The following PTPN13 variants were observed in gnomAD, a reference collection of about 807,000 sequenced individuals.
PTPN13 encodes the protein tyrosine-protein phosphatase non-receptor type 13.
In PTPN13, 191 loss-of-function variants were observed where a neutral mutation model predicts 284.0. The ratio of observed to expected loss-of-function variants is 0.67; its 90% CI spans 0.60 to 0.76. PTPN13 has a LOEUF of 0.76. Among genes scored for constraint, PTPN13 ranks in the 30% least tolerant of loss-of-function variants. PTPN13 has a pLI of 0.00. For missense variants in PTPN13, 2,797 were observed against 2,939.9 expected (o/e 0.95, Z 1.12); for synonymous variants, 986 against 1,022.3 (o/e 0.96, Z 0.68).
chr4:86,781,183 A>G (rs1424137057), intron 36 of PTPN13, among the ~76,000 whole-genome samples: 3 of 152,138 alleles, frequency 2.0e-5, no homozygotes, highest in Non-Finnish European at 2.9e-5. Flanking sequence ...TTCCATCTCA[A>G]CTTTTATCTT....
At chr4:86,811,024 C>T (rs1745159096) in intron 46 of PTPN13, 22 bp from the exon 47 acceptor site, 1 of 1,604,814 alleles carries the variant, frequency 6.2e-7, no homozygotes, top group East Asian at 2.2e-5. Context: ...GAATCTAACA[C>T]ATATGTGGTT....
chr4:86,804,444 G>A (rs150107231), intron 43 of PTPN13, among the ~76,000 whole-genome samples: 1 of 152,118 alleles, frequency 6.6e-6, no homozygotes, highest in South Asian at 2.1e-4. Flanking sequence ...CTTTGTGCTT[G>A]TTGCTTTGTA....
At chr4:86,636,893 G>C (rs1302129652) in intron 2 of PTPN13, among the ~76,000 whole-genome samples, 2 of 151,898 alleles carry the variant, frequency 1.3e-5, no homozygotes, top group Non-Finnish European at 2.9e-5. Flanking sequence ...TCCAGGAGCT[G>C]GTTTTTTGAA....
chr4:86,717,849 T>A (rs965630146), intron 9 of PTPN13, among the ~76,000 whole-genome samples: 3 of 152,198 alleles, frequency 2.0e-5, no homozygotes, highest in Non-Finnish European at 1.5e-5. Flanking sequence ...CTAAGTAACC[T>A]ATTATGTAAA....
intron 3 of PTPN13, among the ~76,000 whole-genome samples, chr4:86,681,748 C>T (rs763532096): frequency 1.3e-5 from 2 of 152,018 alleles, no homozygotes; most frequent in Non-Finnish European, 2.9e-5. Context: ...GCCAACATGG[C>T]GAAACCCCGT....
rs546050044 is a variant in PTPN13 at position 86,667,701 on chromosome 4, G to A, written c.116-4664G>A. Among the ~76,000 whole-genome samples the A allele has an allele frequency of 3.9e-5, 6 of 152,154 alleles. No homozygotes were observed. The East Asian group carries it at 5.8e-4, about 15-fold the overall frequency. On this transcript the variant is annotated intron_variant, in intron 2 of 47. Coordinates refer to ENST00000411767, the MANE Select transcript of PTPN13 (RefSeq NM_080683.3). ...CAAATCCTTCAGAGTTTGGAACAGC[G>A]GCCTCTGCATACATTTTTGCCAGAC...
intron 2 of PTPN13, among the ~76,000 whole-genome samples, chr4:86,646,118 G>A (rs1051883276): frequency 1.3e-5 from 2 of 151,528 alleles, no homozygotes; most frequent in African/African-American, 2.4e-5. Context: ...AAAATGAGAC[G>A]GTAGTTGTGT....
chr4:86,767,512 T>G (rs1739471366), intron 27 of PTPN13, among the ~76,000 whole-genome samples: 1 of 151,900 alleles, frequency 6.6e-6, no homozygotes, highest in Non-Finnish European at 1.5e-5. Context: ...TCCCAAAGTG[T>G]TAGGATTACC....
In PTPN13 at chr4:86,785,289, G is replaced by T; in HGVS notation, c.6177G>T (p.Gln2059His). 3 of 1,604,176 alleles carry T rather than the reference G, an allele frequency of 1.9e-6. No homozygotes were observed. The highest frequency in any genetic ancestry group is 2.6e-6 in the Non-Finnish European group (3 of 1,172,260). The change falls in exon 39 of 48, where the codon CAG becomes CAT. Residue 2059 changes from glutamine (Q) to histidine (H), a missense_variant. Gln to His is a conservative substitution (Grantham distance 24, BLOSUM62 0). Transcript: ENST00000411767. ...YDDSQEAEVI[Q>H]SLLDVVDEEA... Reference sequence around the variant, plus strand: ...ATTCCCAAGAAGCTGAAGTTATCCAGTCTCTGCTGGATGTTGTGGATGAGG... The same window carrying T: ...ATTCCCAAGAAGCTGAAGTTATCCATTCTCTGCTGGATGTTGTGGATGAGG...
chr4:86,813,440 GGTTTGTTT>G (rs892515011), intron 47 of PTPN13, among the ~76,000 whole-genome samples: 1 of 152,018 alleles, frequency 6.6e-6, no homozygotes, highest in Non-Finnish European at 1.5e-5. Context: ...CTTATTTTTT[GGTTTGTTT>G]GTTTGTTTGT....
intron 7 of PTPN13, among the ~76,000 whole-genome samples, chr4:86,714,863 GAAAC>G (rs1565394272): frequency 1.3e-5 from 2 of 152,070 alleles, no homozygotes; most frequent in African/African-American, 2.4e-5. Flanking sequence ...TTTAGTTGAG[GAAAC>G]AAACAAGTAG....
chr4:86,765,327 C>A, intron 25 of PTPN13, 68 bp from the exon 26 acceptor site: 1 of 1,170,940 alleles, frequency 8.5e-7, no homozygotes. Context: ...CCTTTCTAGG[C>A]CTGAGATTTG....
At chr4:86,689,620 G>T (rs1456083867) in intron 5 of PTPN13, 2 of 701,584 alleles carry the variant, frequency 2.9e-6, no homozygotes, top group South Asian at 1.5e-5. Flanking sequence ...GATCTTCTAG[G>T]TATTTCCCAA....
chr4:86,811,503 C>G (rs1745207978), intron 47 of PTPN13, among the ~76,000 whole-genome samples: 2 of 152,190 alleles, frequency 1.3e-5, no homozygotes, highest in Non-Finnish European at 2.9e-5. Flanking sequence ...ATGGATTCAT[C>G]AGCATTGACT....
At chr4:86,754,472 T>A (rs1053870630) in intron 20 of PTPN13, among the ~76,000 whole-genome samples, 4 of 152,044 alleles carry the variant, frequency 2.6e-5, no homozygotes, top group Non-Finnish European at 5.9e-5. Flanking sequence ...ACAACAACCC[T>A]ATGAGGTAGG....
chr4:86,722,539 G>A (rs1733790143), intron 10 of PTPN13, 105 bp downstream of exon 10: 1 of 827,750 alleles, frequency 1.2e-6, no homozygotes, highest in East Asian at 2.5e-5. Context: ...AAAGTTACCT[G>A]TAGATGAAAC....
chr4:86,750,750 T>C lies in PTPN13; in HGVS notation c.2931T>C (p.Ser977=). ...CATACCATGATCTCAGTCAGGCCTC[T>C]CTCTATCCACATCGGAAAAATGTCA... ...SKSYHDLSQA[S]LYPHRKNVIV... The change falls in exon 18 of 48, where the codon TCT becomes TCC. Residue 977 remains serine, a synonymous_variant. Transcript: ENST00000411767. The C allele has an allele frequency of 6.2e-7, 1 of 1,613,558 alleles. No homozygotes were observed. Among genetic ancestry groups the C allele is most frequent in the Non-Finnish European group, 8.5e-7 (1 of 1,179,702 alleles).
At chr4:86,611,647 T>C (rs1719898416) in intron 1 of PTPN13, among the ~76,000 whole-genome samples, 1 of 152,180 alleles carries the variant, frequency 6.6e-6, no homozygotes, top group South Asian at 2.1e-4. Flanking sequence ...CTACCTCTAC[T>C]TACTACCTTG....
chr4:86,604,312 ATGAT>A (rs1370200077), intron 1 of PTPN13, among the ~76,000 whole-genome samples: 1 of 152,082 alleles, frequency 6.6e-6, no homozygotes, highest in Non-Finnish European at 1.5e-5. Flanking sequence ...CACATATAAA[ATGAT>A]TGGGCATAGC....
Sources: allele counts gnomAD v4.1 joint callset (sites outside exome capture counted in the v4.1 genomes callset), GRCh38; gene constraint gnomAD v4.1.1; transcripts MANE v1.5; gene names NCBI Gene and HGNC (gene_info 2026-07-23, HGNC 2026-07-21).